GALNT1: variants seen among roughly 807,000 people sequenced by gnomAD.
GALNT1 encodes GalNAc transferase 1.
In GALNT1, 17 loss-of-function variants were observed where a neutral mutation model predicts 65.7. The ratio of observed to expected loss-of-function variants is 0.26; its 90% CI spans 0.18 to 0.39. The LOEUF is 0.39. GALNT1 is among the 10% of genes least tolerant of loss of function. The probability of loss-of-function intolerance (pLI) is 1.00; values close to 1 mark genes in which losing one functional copy is unlikely to be tolerated. For missense variants in GALNT1, 460 were observed against 672.8 expected (o/e 0.68, Z 3.50); for synonymous variants, 210 against 219.7 (o/e 0.96, Z 0.39).
At chr18:35,605,803 T>G (rs2046639955) in intron 1 of GALNT1, among the ~76,000 whole-genome samples, 2 of 152,194 alleles carry the variant, frequency 1.3e-5, no homozygotes, top group Admixed American at 1.3e-4. Context: ...AATAGGGACT[T>G]TTTTCCAGCT....
chr18:35,609,506 A>T (rs1598783181), intron 1 of GALNT1, among the ~76,000 whole-genome samples: 2 of 152,284 alleles, frequency 1.3e-5, no homozygotes, highest in East Asian at 3.9e-4. Context: ...GTGCTGTCAT[A>T]GTATGTGTTA....
At chr18:35,651,661 A>G (rs116512394) in intron 1 of GALNT1, among the ~76,000 whole-genome samples, 1,963 of 152,228 alleles carry the variant, frequency 0.013, 45 homozygotes, top group African/African-American at 0.045. Context: ...TTTTCTTTCT[A>G]TCCTTCATTT....
At chr18:35,686,885 G>T in intron 5 of GALNT1, 131 bp from the exon 6 acceptor site, 1 of 777,024 alleles carries the variant, frequency 1.3e-6, no homozygotes, top group Non-Finnish European at 1.9e-6. Context: ...AGCCTGGGTG[G>T]TGACAGAGTA....
chr18:35,620,428 CTA>C (rs2046836306), intron 1 of GALNT1, among the ~76,000 whole-genome samples: 2 of 152,132 alleles, frequency 1.3e-5, no homozygotes, highest in South Asian at 4.1e-4. Flanking sequence ...GAAGAGGAAA[CTA>C]TTGAATGAAC....
intron 11 of GALNT1, among the ~76,000 whole-genome samples, chr18:35,707,232 TTAGGAG>T (rs1180271176): frequency 6.6e-6 from 1 of 152,224 alleles, no homozygotes; most frequent in East Asian, 1.9e-4. Context: ...CATCTAGAAA[TTAGGAG>T]TAGGAGCTTG....
At chr18:35,686,955 T>G (rs1254382293) in intron 5 of GALNT1, 61 bp from the exon 6 acceptor site, 1 of 1,478,900 alleles carries the variant, frequency 6.8e-7, no homozygotes. Context: ...ACAATTGTTC[T>G]GTAGTTGGCA....
At position 35,677,795 on chromosome 18, in the gene GALNT1, C is replaced by G. The variant is rs772420090; in HGVS notation, c.481+38C>G. On this transcript the variant is annotated intron_variant, in intron 4 of 11. Transcript: ENST00000269195. ...TTTTAATGCCAATAATTTGCTACAC[C>G]TTTTGTCACTAACGGTTAAAACTAG... The G allele has an allele frequency of 7.4e-6, 11 of 1,477,082 alleles. No individual in the cohort carries two copies. In the African/African-American group the frequency reaches 9.8e-5, roughly 13 times the overall value. 91.5% of individuals were successfully genotyped at this position (1,477,082 alleles called of 1,614,324 possible). A position where few individuals can be genotyped will look rare whatever the true frequency, so the allele number is the denominator to read the frequency against.
At chr18:35,654,160 T>C (rs2047347143) in intron 1 of GALNT1, among the ~76,000 whole-genome samples, 1 of 152,210 alleles carries the variant, frequency 6.6e-6, no homozygotes, top group South Asian at 2.1e-4. Context: ...AGTAGGAAGG[T>C]AGTTAAGACC....
At chr18:35,604,925 A>C (rs1407334057) in intron 1 of GALNT1, among the ~76,000 whole-genome samples, 1 of 152,150 alleles carries the variant, frequency 6.6e-6, no homozygotes, top group Non-Finnish European at 1.5e-5. Context: ...CTACTTTGCC[A>C]CTCCCTACCT....
At chr18:35,697,440 C>T (rs2048078124) in intron 9 of GALNT1, among the ~76,000 whole-genome samples, 1 of 152,188 alleles carries the variant, frequency 6.6e-6, no homozygotes, top group Admixed American at 6.5e-5. Flanking sequence ...TACCACCATT[C>T]CCCGGTCCTA....
At chr18:35,616,239 G>A (rs1263344684) in intron 1 of GALNT1, among the ~76,000 whole-genome samples, 1 of 152,122 alleles carries the variant, frequency 6.6e-6, no homozygotes, top group African/African-American at 2.4e-5. Context: ...CATAGTTGCT[G>A]GGACCTGACT....
At chr18:35,590,055 A>G (rs1431067834) in intron 1 of GALNT1, among the ~76,000 whole-genome samples, 1 of 152,114 alleles carries the variant, frequency 6.6e-6, no homozygotes, top group Non-Finnish European at 1.5e-5. Flanking sequence ...ATTCTTTTTA[A>G]AATGATAGAC....
intron 9 of GALNT1, among the ~76,000 whole-genome samples, chr18:35,694,356 T>G (rs1360673760): frequency 6.6e-6 from 1 of 152,058 alleles, no homozygotes; most frequent in Admixed American, 6.6e-5. Flanking sequence ...AGAGAAAATT[T>G]AAAGATGCAA....
At chr18:35,641,185 C>A (rs886426296) in intron 1 of GALNT1, among the ~76,000 whole-genome samples, 1 of 152,170 alleles carries the variant, frequency 6.6e-6, no homozygotes, top group Non-Finnish European at 1.5e-5. Flanking sequence ...TGGCTCATAC[C>A]TGTAATCCCA....
chr18:35,683,604 T>C lies in GALNT1; in HGVS notation c.689+6T>C, dbSNP rs2047819020. 1 of 1,612,520 alleles carries C rather than the reference T, an allele frequency of 6.2e-7. No homozygotes were observed. Among genetic ancestry groups the C allele is most frequent in the Non-Finnish European group, 8.5e-7 (1 of 1,179,172 alleles). On this transcript the variant is annotated splice_donor_region_variant and intron_variant, in intron 5 of 11. Transcript: ENST00000269195. ...GCCAGGATCAAACATGACAGGTAAT[T>C]TTCTGGTGTCTGTAAGTTTGCTTTT...
At chr18:35,606,834 T>A (rs1476748676) in intron 1 of GALNT1, among the ~76,000 whole-genome samples, 29 of 114,286 alleles carry the variant, frequency 2.5e-4, no homozygotes, top group South Asian at 4.8e-4. Context: ...TGTGTGTGTG[T>A]GTGTGTGTGT....
chr18:35,704,311 CT>C (rs111370047), intron 11 of GALNT1, among the ~76,000 whole-genome samples: 1,811 of 140,916 alleles, frequency 0.013, 20 homozygotes, highest in African/African-American at 0.037. Context: ...AAACAGATGA[CT>C]TTTTTTTTTT....
chr18:35,708,827 A>T (rs555301577), intron 11 of GALNT1, among the ~76,000 whole-genome samples: 6 of 152,260 alleles, frequency 3.9e-5, no homozygotes, highest in Non-Finnish European at 7.3e-5. Flanking sequence ...TTAACCATTT[A>T]TTAAGAATCT....
At chr18:35,581,673 A>G (rs1414618302), upstream of GALNT1, 1 of 30,830 alleles carries the variant, frequency 3.2e-5, no homozygotes, top group Non-Finnish European at 5.8e-5. Context: ...CCGGGCGCGG[A>G]GGCGGGGGCG....
Sources: allele counts gnomAD v4.1 joint callset (sites outside exome capture counted in the v4.1 genomes callset), GRCh38; gene constraint gnomAD v4.1.1; transcripts MANE v1.5; gene names NCBI Gene and HGNC (gene_info 2026-07-23, HGNC 2026-07-21).